MBOAT2: variants seen among roughly 807,000 people sequenced by gnomAD.
MBOAT2 encodes membrane bound glycerophospholipid O-acyltransferase 2.
A neutral mutation model predicts 63.4 loss-of-function variants in MBOAT2; 28 were observed. That is an observed-to-expected ratio of 0.44 (90% CI 0.33 to 0.61). The LOEUF (loss-of-function observed/expected upper bound fraction) is 0.61, where lower values mean the gene tolerates loss of function less well. Ranked by LOEUF, MBOAT2 falls within the 20% of genes least tolerant of loss-of-function variation. The pLI, the probability that MBOAT2 is intolerant of heterozygous loss-of-function variation, is 0.03. For missense variants in MBOAT2, 470 were observed against 605.8 expected (o/e 0.78, Z 2.35); for synonymous variants, 211 against 215.6 (o/e 0.98, Z 0.19).
intron 1 of MBOAT2, among the ~76,000 whole-genome samples, chr2:8,983,210 A>G (rs371532339): frequency 3.3e-5 from 5 of 152,190 alleles, no homozygotes; most frequent in Admixed American, 1.3e-4. Context: ...TGTAAAATAC[A>G]TATTTTCACA....
chr2:9,002,840 G>A (rs1239863569), intron 1 of MBOAT2, among the ~76,000 whole-genome samples: 3 of 152,290 alleles, frequency 2.0e-5, no homozygotes, highest in South Asian at 2.1e-4. Context: ...GGGCAAGGAG[G>A]TAAAGTGGCT....
intron 1 of MBOAT2, among the ~76,000 whole-genome samples, chr2:8,970,498 GA>G (rs772214205): frequency 2.6e-5 from 4 of 152,166 alleles, no homozygotes; most frequent in Non-Finnish European, 4.4e-5. Flanking sequence ...AAAGCTAGCA[GA>G]AGGCAACAAA....
At chr2:8,987,853 T>C (rs372266047) in intron 1 of MBOAT2, among the ~76,000 whole-genome samples, 6 of 152,348 alleles carry the variant, frequency 3.9e-5, no homozygotes, top group African/African-American at 1.4e-4. Context: ...AAAAGTTGTC[T>C]CTGGACTGAA....
chr2:8,944,817 T>C (rs1478058014), intron 2 of MBOAT2, among the ~76,000 whole-genome samples: 2 of 152,174 alleles, frequency 1.3e-5, no homozygotes, highest in Non-Finnish European at 2.9e-5. Context: ...ATTTATGATC[T>C]ACCTCTTATG....
rs183506080 is a variant in MBOAT2, at chr2:8,855,866, T to C, written c.*2813A>G. 6.6e-6 allele frequency: 1 copy of C among 152,270 alleles called. No individual in the cohort carries two copies. The highest frequency in any genetic ancestry group is 1.9e-4 in the East Asian group (1 of 5,184). 9.4% of individuals were successfully genotyped at this position (152,270 alleles called of 1,614,324 possible). On this transcript the variant is annotated 3_prime_UTR_variant, in exon 13 of 13. Transcript: ENST00000305997. ...CTAGAGTGATTTCATGATACCTGAA[T>C]AGTGGAAAATATAAAACATAAATAT...
intron 9 of MBOAT2, among the ~76,000 whole-genome samples, chr2:8,866,703 T>C (rs776343548): frequency 1.9e-4 from 29 of 152,238 alleles, no homozygotes; most frequent in Non-Finnish European, 3.5e-4. Context: ...AAAAAGTTCA[T>C]ACAGTGCATT....
intron 1 of MBOAT2, among the ~76,000 whole-genome samples, chr2:8,998,431 A>G (rs1396781541): frequency 6.6e-6 from 1 of 152,186 alleles, no homozygotes; most frequent in Non-Finnish European, 1.5e-5. Flanking sequence ...TTCTCTTCCT[A>G]AAAGTCATAC....
At chr2:8,946,405 T>C (rs1345271606) in intron 2 of MBOAT2, among the ~76,000 whole-genome samples, 1 of 152,200 alleles carries the variant, frequency 6.6e-6, no homozygotes, top group Non-Finnish European at 1.5e-5. Context: ...AAAAGGAACT[T>C]GCAGATGATT....
intron 4 of MBOAT2, among the ~76,000 whole-genome samples, chr2:8,898,504 G>T (rs1572995821): frequency 6.6e-6 from 1 of 152,316 alleles, no homozygotes; most frequent in East Asian, 1.9e-4. Flanking sequence ...CTGGGCCTTC[G>T]ACCTAGACAC....
At chr2:8,961,691 A>C (rs1406433156) in intron 1 of MBOAT2, among the ~76,000 whole-genome samples, 2 of 152,194 alleles carry the variant, frequency 1.3e-5, no homozygotes, top group African/African-American at 4.8e-5. Context: ...GTAAAAACCA[A>C]GTTACACTCC....
chr2:8,860,869 G>T, intron 11 of MBOAT2, 105 bp from the exon 12 acceptor site: 1 of 916,260 alleles, frequency 1.1e-6, no homozygotes, highest in Non-Finnish European at 1.6e-6. Context: ...TAGAGTAACT[G>T]AAACTCTCCT....
In MBOAT2 at chr2:8,903,476, A is replaced by AT. The variant is rs369501565; in HGVS notation, c.395+5144dup. 7.4e-3 allele frequency among the ~76,000 whole-genome samples: 1,096 copies of AT among 148,802 alleles called. 13 individuals carry two copies. The highest frequency in any genetic ancestry group is 0.021 in the South Asian group (98 of 4,726). ...GTGAATAAACAATTATTTCACATAG[A>AT]TTTTTTTTTTTGGTGGGTACACTAA... On this transcript the variant is annotated intron_variant, in intron 4 of 12. Transcript: ENST00000305997.
At chr2:8,968,542 G>A (rs1573199744) in intron 1 of MBOAT2, among the ~76,000 whole-genome samples, 3 of 152,332 alleles carry the variant, frequency 2.0e-5, no homozygotes, top group East Asian at 1.9e-4. Flanking sequence ...TGACTTTGAC[G>A]AGTTGAGAGA....
chr2:8,961,890 C>A (rs1669627759), intron 1 of MBOAT2, among the ~76,000 whole-genome samples: 1 of 152,034 alleles, frequency 6.6e-6, no homozygotes, highest in Admixed American at 6.6e-5. Flanking sequence ...TTCTCCACAG[C>A]CAGGCTCCCT....
At chr2:8,927,045 CCAGTTA>C (rs1466375661) in intron 3 of MBOAT2, among the ~76,000 whole-genome samples, 1 of 152,168 alleles carries the variant, frequency 6.6e-6, no homozygotes, top group East Asian at 1.9e-4. Flanking sequence ...ATGATTTATT[CCAGTTA>C]CCTGGGCACC....
intron 6 of MBOAT2, 51 bp from the exon 7 acceptor site, chr2:8,877,264 A>G (rs1425463689): frequency 4.6e-6 from 7 of 1,521,388 alleles, no homozygotes; most frequent in Non-Finnish European, 6.2e-6. Flanking sequence ...GCTTCAGAAC[A>G]TCTGATAGAA....
chr2:8,898,195 T>C (rs544846264), intron 4 of MBOAT2, among the ~76,000 whole-genome samples: 1 of 152,330 alleles, frequency 6.6e-6, no homozygotes, highest in African/African-American at 2.4e-5. Context: ...GGCTTAAAGC[T>C]GGAGCTTGTA....
chr2:8,918,659 A>G (rs764865770), intron 3 of MBOAT2, among the ~76,000 whole-genome samples: 3 of 152,240 alleles, frequency 2.0e-5, no homozygotes, highest in Non-Finnish European at 4.4e-5. Context: ...TTTAACCTGA[A>G]TTATAGTTCC....
At chr2:8,912,373 G>GAAAGAAAGAAAGAA (rs67420836) in intron 3 of MBOAT2, among the ~76,000 whole-genome samples, 4 of 84,278 alleles carry the variant, frequency 4.7e-5, no homozygotes, top group African/African-American at 1.9e-4. Flanking sequence ...AAGAAAGAAA[G>GAAAGAAAGAAAGAA]AGAAAGAAAG....
Sources: allele counts gnomAD v4.1 joint callset (sites outside exome capture counted in the v4.1 genomes callset), GRCh38; gene constraint gnomAD v4.1.1; transcripts MANE v1.5; gene names NCBI Gene and HGNC (gene_info 2026-07-23, HGNC 2026-07-21).